The following IQSEC1 variants were observed in gnomAD, a reference collection of about 807,000 sequenced individuals.
IQSEC1 encodes the protein IQ motif and SEC7 domain-containing protein 1.
In IQSEC1, 31 loss-of-function variants were observed where a neutral mutation model predicts 91.0. The observed-to-expected ratio is 0.34, with a 90% CI of 0.26 to 0.46. The LOEUF is 0.46. Among genes scored for constraint, IQSEC1 ranks in the 20% least tolerant of loss-of-function variants. IQSEC1 has a pLI of 1.00. For synonymous variants in IQSEC1, 699 were observed against 662.6 expected (o/e 1.05, Z -0.84); for missense variants, 1,388 against 1,575.6 (o/e 0.88, Z 2.02).
chr3:13,127,363 G>A (rs571791284), intron 2 of IQSEC1, among the ~76,000 whole-genome samples: 6 of 152,184 alleles, frequency 3.9e-5, no homozygotes, highest in Non-Finnish European at 8.8e-5. Context: ...GCAGTGAGCC[G>A]AGATGGCACC....
chr3:13,125,449 G>A (rs879843899), intron 2 of IQSEC1, among the ~76,000 whole-genome samples: 7 of 152,166 alleles, frequency 4.6e-5, no homozygotes, highest in Non-Finnish European at 7.4e-5. Context: ...CCTCCTTCAC[G>A]GTCTGTCCCG....
chr3:13,007,328 G>A (rs774146118), intron 1 of IQSEC1, among the ~76,000 whole-genome samples: 2 of 152,252 alleles, frequency 1.3e-5, no homozygotes, highest in Non-Finnish European at 2.9e-5. Flanking sequence ...TAACTGGCCT[G>A]TCGGCCGTTC....
At chr3:12,961,110 G>T (rs1458814502) in intron 1 of IQSEC1, among the ~76,000 whole-genome samples, 1 of 152,226 alleles carries the variant, frequency 6.6e-6, no homozygotes, top group Non-Finnish European at 1.5e-5. Flanking sequence ...GAAGGCCACT[G>T]CCCCTGAGGC....
chr3:13,170,186 T>C (rs928099816), intron 1 of IQSEC1, among the ~76,000 whole-genome samples: 4 of 152,212 alleles, frequency 2.6e-5, no homozygotes, highest in African/African-American at 9.6e-5. Flanking sequence ...GGAGCCAATG[T>C]AGAGCTCAGG....
chr3:13,190,296 G>A (rs1055701682), intron 1 of IQSEC1, among the ~76,000 whole-genome samples: 1 of 152,196 alleles, frequency 6.6e-6, no homozygotes, highest in African/African-American at 2.4e-5. Flanking sequence ...AGTGGGGCCC[G>A]GCTCCTGGCT....
intron 1 of IQSEC1, among the ~76,000 whole-genome samples, chr3:13,054,223 A>G (rs1357838136): frequency 6.6e-6 from 1 of 152,164 alleles, no homozygotes; most frequent in Admixed American, 6.5e-5. Context: ...TTTAGGACCA[A>G]TTCCCGGCAT....
intron 1 of IQSEC1, chr3:13,022,603 G>T: frequency 3.9e-6 from 1 of 253,750 alleles, no homozygotes; most frequent in Non-Finnish European, 6.2e-6. Context: ...GGAGGCGGGC[G>T]GGGAGGCGAG....
intron 1 of IQSEC1, among the ~76,000 whole-genome samples, chr3:13,000,236 T>C (rs2125658668): frequency 6.6e-6 from 1 of 152,338 alleles, no homozygotes; most frequent in East Asian, 1.9e-4. Flanking sequence ...TTCAAAAAGA[T>C]GTACGACCTT....
intron 2 of IQSEC1, 104 bp downstream of exon 2, chr3:12,941,467 C>G (rs1698740163): frequency 4.1e-6 from 5 of 1,206,588 alleles, no homozygotes; most frequent in Non-Finnish European, 5.7e-6. Context: ...CACCCCAACT[C>G]AAGTCTATGG....
intron 1 of IQSEC1, among the ~76,000 whole-genome samples, chr3:13,268,990 G>C (rs1199054335): frequency 6.6e-6 from 1 of 152,216 alleles, no homozygotes; most frequent in Admixed American, 6.5e-5. Context: ...ACCATGAAAC[G>C]TTCTGAGATC....
intron 2 of IQSEC1, among the ~76,000 whole-genome samples, chr3:13,160,548 C>T (rs897174676): frequency 6.6e-6 from 1 of 152,234 alleles, no homozygotes; most frequent in Non-Finnish European, 1.5e-5. Context: ...TACACAGCTT[C>T]ACTGATTTTT....
At chr3:12,917,391 C>T (rs1349431382) in intron 6 of IQSEC1, among the ~76,000 whole-genome samples, 2 of 152,178 alleles carry the variant, frequency 1.3e-5, no homozygotes, top group African/African-American at 4.8e-5. Flanking sequence ...CTCTGAGCTC[C>T]GCATACCCAT....
intron 1 of IQSEC1, among the ~76,000 whole-genome samples, chr3:13,032,195 G>A (rs1478118597): frequency 3.3e-5 from 5 of 152,290 alleles, no homozygotes; most frequent in Admixed American, 6.5e-5. Context: ...AGACAAGAAC[G>A]TTTTCTGGCA....
intron 2 of IQSEC1, among the ~76,000 whole-genome samples, chr3:13,138,179 G>C (rs1394085362): frequency 1.3e-5 from 2 of 152,192 alleles, no homozygotes; most frequent in African/African-American, 2.4e-5. Context: ...CGGCTGATGG[G>C]CACAGCACTC....
At chr3:13,143,689 C>T (rs910317960) in intron 2 of IQSEC1, among the ~76,000 whole-genome samples, 12 of 152,106 alleles carry the variant, frequency 7.9e-5, no homozygotes, top group African/African-American at 2.9e-4. Flanking sequence ...AGAGAAGGTC[C>T]ATTTCTGTTG....
intron 1 of IQSEC1, chr3:12,960,737 C>A (rs1700191298): frequency 6.6e-6 from 1 of 152,268 alleles, no homozygotes; most frequent in Non-Finnish European, 1.5e-5. Context: ...CCAGTATCAT[C>A]ATTTTCATTC....
At chr3:12,966,874 A>G (rs1700605942) in intron 1 of IQSEC1, among the ~76,000 whole-genome samples, 1 of 152,082 alleles carries the variant, frequency 6.6e-6, no homozygotes, top group Non-Finnish European at 1.5e-5. Flanking sequence ...ATCAATCCAG[A>G]CATAGGCCCA....
Position 13,124,365 on chromosome 3 carries a change from C to T in IQSEC1, c.302+39739G>A, listed in dbSNP as rs190953572. 2.2e-3 allele frequency among the ~76,000 whole-genome samples: 328 copies of T among 152,258 alleles called. 1 individual carries two copies. The Middle Eastern group carries it at 0.051, about 24-fold the overall frequency. ...AATTCGAGGACTCTAGAATGTTAAC[C>T]ATGGGAAGTCACTCTCTACTCCCCA... On this transcript the variant is annotated intron_variant, in intron 2 of 15. Coordinates refer to the IQSEC1 transcript ENST00000648114.
At chr3:13,119,218 T>A (rs184405627) in intron 2 of IQSEC1, among the ~76,000 whole-genome samples, 2 of 152,302 alleles carry the variant, frequency 1.3e-5, no homozygotes, top group East Asian at 3.9e-4. Flanking sequence ...TATTCTTAAA[T>A]AATAAGAATT....
Sources: gnomAD v4.1 joint callset for allele counts (sites outside exome capture counted in the v4.1 genomes callset) on GRCh38, gnomAD v4.1.1 for gene constraint, MANE v1.5 for transcripts, NCBI Gene and HGNC (gene_info 2026-07-23, HGNC 2026-07-21) for gene names.